FAM227B: variants seen among roughly 807,000 people sequenced by gnomAD.
FAM227B encodes family with sequence similarity 227 member B, also known as protein FAM227B.
In FAM227B, 88 loss-of-function variants were observed where a neutral mutation model predicts 73.8. The ratio of observed to expected loss-of-function variants is 1.19; its 90% CI spans 1.00 to 1.42. FAM227B has a LOEUF of 1.42. FAM227B is among the 40% of genes most tolerant of loss of function. FAM227B has a pLI of 0.00. For synonymous variants in FAM227B, 210 were observed against 190.5 expected, an observed-to-expected ratio of 1.10 and a Z score of -0.84; for missense variants, 632 against 590.9, an observed-to-expected ratio of 1.07 and a Z score of -0.72.
chr15:49,572,796 G>C (rs2075199384), intron 8 of FAM227B, among the ~76,000 whole-genome samples: 1 of 151,922 alleles, frequency 6.6e-6, no homozygotes, highest in African/African-American at 2.4e-5. Flanking sequence ...GCTGTATTTG[G>C]GTTTTGTTTC....
At chr15:49,551,771 G>C (rs190521790) in intron 9 of FAM227B, among the ~76,000 whole-genome samples, 3 of 151,922 alleles carry the variant, frequency 2.0e-5, no homozygotes, top group Admixed American at 6.6e-5. Flanking sequence ...ATGTTTTTTG[G>C]TTTGAGGTTA....
At chr15:49,414,110 T>G (rs2049050643) in intron 11 of FAM227B, among the ~76,000 whole-genome samples, 1 of 152,088 alleles carries the variant, frequency 6.6e-6, no homozygotes, top group South Asian at 2.1e-4. Context: ...TTGAACAGTA[T>G]GTCATAATGC....
At chr15:49,394,915 AACAC>A (rs745405808) in intron 11 of FAM227B, among the ~76,000 whole-genome samples, 4 of 152,052 alleles carry the variant, frequency 2.6e-5, no homozygotes, top group African/African-American at 4.8e-5. Flanking sequence ...CACACACACA[AACAC>A]ACACACGCAT....
At chr15:49,424,349 T>C in intron 11 of FAM227B, 2 of 1,613,706 alleles carry the variant, frequency 1.2e-6, no homozygotes, top group African/African-American at 1.3e-5. Context: ...CTACAGATCA[T>C]GCTTTCACAT....
At chr15:49,357,699 A>G (rs531074882) in intron 13 of FAM227B, among the ~76,000 whole-genome samples, 162 of 152,106 alleles carry the variant, frequency 1.1e-3, no homozygotes, top group African/African-American at 3.7e-3. Flanking sequence ...AACTATTCCA[A>G]TCAATAGAAA....
At chr15:49,479,107 G>A (rs1346115260) in intron 11 of FAM227B, among the ~76,000 whole-genome samples, 1 of 152,044 alleles carries the variant, frequency 6.6e-6, no homozygotes, top group African/African-American at 2.4e-5. Flanking sequence ...AGCTATTTAG[G>A]GCATAGTCTC....
intron 3 of FAM227B, among the ~76,000 whole-genome samples, chr15:49,605,753 G>A (rs1383018167): frequency 4.6e-5 from 7 of 152,202 alleles, no homozygotes; most frequent in African/African-American, 1.7e-4. Flanking sequence ...GCAGCAGCCT[G>A]GTGCTGGAGT....
At chr15:49,544,013 T>G (rs917205025) in intron 9 of FAM227B, among the ~76,000 whole-genome samples, 1 of 152,182 alleles carries the variant, frequency 6.6e-6, no homozygotes, top group Non-Finnish European at 1.5e-5. Flanking sequence ...TTAGAATTTT[T>G]TCTAGTTCTG....
Position 49,467,957 on chromosome 15 carries a change from C to T in FAM227B, c.1012+40254G>A, listed in dbSNP as rs989680486. Among the ~76,000 whole-genome samples, 4 of 152,132 alleles carry T rather than the reference C, an allele frequency of 2.6e-5. No homozygotes were observed. In the East Asian group the frequency reaches 7.7e-4, roughly 29 times the overall value. On this transcript the variant is annotated intron_variant, in intron 11 of 15. Transcript: ENST00000299338. ...CAGTAATATGCTACTGGATAAATATCACACTGTATATTGCACAACCGAATA... is the reference window on the plus strand; with the variant it reads ...CAGTAATATGCTACTGGATAAATATTACACTGTATATTGCACAACCGAATA...
chr15:49,335,718 T>C (rs1567093120), intron 13 of FAM227B, among the ~76,000 whole-genome samples: 1 of 152,226 alleles, frequency 6.6e-6, no homozygotes, highest in Non-Finnish European at 1.5e-5. Context: ...ACAGCAACCA[T>C]AGGGCACTAT....
intron 13 of FAM227B, chr15:49,365,224 T>C: frequency 9.8e-7 from 1 of 1,021,934 alleles, no homozygotes; most frequent in Non-Finnish European, 1.6e-6. Context: ...TCCAGAACTT[T>C]TTCATTTCCT....
chr15:49,538,919 T>C (rs542015243), intron 10 of FAM227B, among the ~76,000 whole-genome samples: 47 of 132,746 alleles, frequency 3.5e-4, no homozygotes, highest in African/African-American at 1.4e-3. Flanking sequence ...TTGAATTCTT[T>C]ATCAGGAAAT....
chr15:49,349,241 A>G (rs1372729085), intron 13 of FAM227B, among the ~76,000 whole-genome samples: 1 of 152,134 alleles, frequency 6.6e-6, no homozygotes, highest in Non-Finnish European at 1.5e-5. Context: ...AATACTTACA[A>G]TACTCATACT....
rs35705965 is a variant in FAM227B, at chr15:49,385,599, GAA to G, written c.1013-14202_1013-14201del. Among the ~76,000 whole-genome samples the G allele has an allele frequency of 8.2e-5, 11 of 133,386 alleles. No homozygotes were observed. In the East Asian group the frequency reaches 8.7e-4, roughly 11 times the overall value. The allele number at this position is 133,386 out of a possible 152,430, so 87.5% of individuals were successfully genotyped here. ...TGGGTCTATAAAACAGTAACACAATGAAAAAAAAAAAAACTAGGTAATAACAT... is the reference window on the plus strand; with the variant it reads ...TGGGTCTATAAAACAGTAACACAATGAAAAAAAAAAACTAGGTAATAACAT... On this transcript the variant is annotated intron_variant, in intron 11 of 15. Transcript: ENST00000299338.
chr15:49,556,906 G>A (rs920581190), intron 9 of FAM227B, among the ~76,000 whole-genome samples: 9 of 152,136 alleles, frequency 5.9e-5, no homozygotes, highest in South Asian at 4.1e-4. Flanking sequence ...TAGCTCAAGC[G>A]TCCATAGGGG....
chr15:49,449,717 T>C (rs1011604192), intron 11 of FAM227B, among the ~76,000 whole-genome samples: 6 of 152,082 alleles, frequency 3.9e-5, no homozygotes, highest in Non-Finnish European at 5.9e-5. Flanking sequence ...CTTTCGCTTC[T>C]ATACTTGTGC....
intron 8 of FAM227B, among the ~76,000 whole-genome samples, chr15:49,571,760 T>A (rs1241867038): frequency 6.6e-6 from 1 of 152,002 alleles, no homozygotes; most frequent in East Asian, 1.9e-4. Flanking sequence ...CATTGTAGTA[T>A]ATTTTGAAGT....
chr15:49,332,469 G>T (rs2038971782), intron 14 of FAM227B, among the ~76,000 whole-genome samples: 2 of 152,158 alleles, frequency 1.3e-5, no homozygotes, highest in South Asian at 2.1e-4. Context: ...ATTCATTCAA[G>T]AAATATTTAT....
chr15:49,581,543 C>G (rs2152387470), intron 5 of FAM227B, among the ~76,000 whole-genome samples: 1 of 152,222 alleles, frequency 6.6e-6, no homozygotes, highest in South Asian at 2.1e-4. Context: ...GTCTCAAATT[C>G]TTGAACTCAT....
Sources: allele counts gnomAD v4.1 joint callset (sites outside exome capture counted in the v4.1 genomes callset), GRCh38; gene constraint gnomAD v4.1.1; transcripts MANE v1.5; gene names NCBI Gene and HGNC (gene_info 2026-07-23, HGNC 2026-07-21).